The following SEMA3C variants were observed in gnomAD, a reference collection of about 807,000 sequenced individuals.
SEMA3C encodes semaphorin 3C.
In SEMA3C, 47 loss-of-function variants were observed where a neutral mutation model predicts 89.4. The observed-to-expected ratio is 0.53, with a 90% confidence interval of 0.42 to 0.67. The LOEUF (loss-of-function observed/expected upper bound fraction) is 0.67. Ranked by LOEUF, SEMA3C falls within the 30% of genes least tolerant of loss-of-function variation. The probability of loss-of-function intolerance (pLI) is 0.00; values close to 1 mark genes in which losing one functional copy is unlikely to be tolerated. For missense variants in SEMA3C, 839 were observed against 929.1 expected (o/e 0.90, Z 1.26); for synonymous variants, 310 against 320.2 (o/e 0.97, Z 0.34).
intron 11 of SEMA3C, chr7:80,793,541 C>T (rs1250424238): frequency 4.8e-6 from 2 of 413,836 alleles, no homozygotes; most frequent in Admixed American, 3.0e-5. Flanking sequence ...AATATTATGA[C>T]AAAAAGTAAT....
chr7:80,801,625 T>C (rs192061683), intron 9 of SEMA3C, among the ~76,000 whole-genome samples: 43 of 152,146 alleles, frequency 2.8e-4, no homozygotes, highest in Middle Eastern at 6.8e-3. Flanking sequence ...TAAAAATGAA[T>C]TTAAATGACC....
At position 80,789,451 on chromosome 7, in the gene SEMA3C, G is replaced by A. The variant is rs752682629; in HGVS notation, c.1209C>T (p.Asn403=). ...AGATGGAATTGTACATGAGAGGATG[G>A]TTCCGAATAAAAGTGACAACATCAT... ...FPDDVVTFIR[N]HPLMYNSIYP... is the part of the protein sequence containing the mutation. Residue 403 remains asparagine (N), a synonymous_variant, in exon 12 of 18, where the codon AAC becomes AAT. Coordinates refer to ENST00000265361, the MANE Select transcript of SEMA3C (RefSeq NM_006379.5). 1.5e-5 allele frequency: 24 copies of A among 1,613,904 alleles called. No individual in the cohort carries two copies. In the Admixed American group the frequency reaches 3.2e-4, roughly 21 times the overall value.
chr7:80,828,649 T>A lies in SEMA3C; in HGVS notation c.200A>T (p.Tyr67Phe), dbSNP rs748611810. 6.2e-7 allele frequency: 1 copy of A among 1,612,184 alleles called. No homozygotes were observed. The highest frequency in any genetic ancestry group is 8.5e-7 in the Non-Finnish European group (1 of 1,178,644). ...LLMDEDQDRI[Y>F]VGSKDHILSL... is the part of the protein sequence containing the mutation. The stretch of plus-strand genomic sequence containing the variant: ...AAGAATGTGATCTTTGCTTCCCACA[T>A]ATATCCGGTCCTGATCTTCATCCAT... Residue 67 changes from tyrosine (Y) to phenylalanine (F), a missense_variant, in exon 3 of 18, where the codon TAT (tyrosine) becomes TTT (phenylalanine). By Grantham distance (22) the Tyr-to-Phe change is conservative (BLOSUM62 3). Coordinates refer to ENST00000265361, the MANE Select transcript of SEMA3C (RefSeq NM_006379.5).
intron 4 of SEMA3C, among the ~76,000 whole-genome samples, chr7:80,824,499 G>A (rs1357856667): frequency 2.6e-5 from 4 of 152,108 alleles, no homozygotes; most frequent in African/African-American, 7.2e-5. Context: ...ACATACCAAA[G>A]GCTGGAAGAG....
intron 12 of SEMA3C, among the ~76,000 whole-genome samples, chr7:80,775,274 C>T (rs945816880): frequency 6.6e-6 from 1 of 152,072 alleles, no homozygotes; most frequent in African/African-American, 2.4e-5. Flanking sequence ...CGGTATGATT[C>T]TCTTTTTGTT....
At chr7:80,813,127 AT>A in intron 5 of SEMA3C, among the ~76,000 whole-genome samples, 1 of 151,936 alleles carries the variant, frequency 6.6e-6, no homozygotes, top group Non-Finnish European at 1.5e-5. Context: ...TTTAATTTCA[AT>A]AAATTTTTTA....
intron 11 of SEMA3C, 25 bp downstream of exon 11, chr7:80,798,067 C>G: frequency 6.3e-7 from 1 of 1,582,908 alleles, no homozygotes; most frequent in Non-Finnish European, 8.5e-7. Context: ...AGCATCATAA[C>G]AAAGAATTTT....
chr7:80,828,601 CTT>C lies in SEMA3C; in HGVS notation c.246_247del (p.Ile82MetfsTer17). ...TAAACTTACACTCAAAGCTTCTTGA[CTT>C]ATATTGTTAATATTCAGGGAAAGAA... is the stretch of plus-strand genomic sequence containing the variant. On this transcript the variant is annotated frameshift_variant, in exon 3 of 18. Coordinates refer to ENST00000265361, the MANE Select transcript of SEMA3C (RefSeq NM_006379.5). LOFTEE classifies it high-confidence loss of function. 1 of 1,608,106 alleles carries C rather than the reference CTT, an allele frequency of 6.2e-7. No individual in the cohort carries two copies. Among genetic ancestry groups the C allele is most frequent in the Non-Finnish European group, 8.5e-7 (1 of 1,176,350 alleles).
rs1293012234 is a variant in SEMA3C, at chr7:80,745,088, A to T, written c.2062T>A (p.Phe688Ile). ...TWASSVRALP[F>I]HPKDIMGAFS... ...GCCCCCATGATGTCCTTCGGGTGGAAGGGTAAAGCCCTCACAGAGCTGGCC... is the reference window on the plus strand; with the variant it reads ...GCCCCCATGATGTCCTTCGGGTGGATGGGTAAAGCCCTCACAGAGCTGGCC... Residue 688 changes from phenylalanine to isoleucine, a missense_variant, in exon 18 of 18, where the codon TTC becomes ATC. Phe to Ile is a conservative substitution (Grantham distance 21). Coordinates refer to ENST00000265361, the MANE Select transcript of SEMA3C (RefSeq NM_006379.5). 1 of 1,614,022 alleles carries T rather than the reference A, an allele frequency of 6.2e-7. No homozygotes were observed. The highest frequency in any genetic ancestry group is 2.2e-5 in the East Asian group (1 of 44,868).
intron 12 of SEMA3C, among the ~76,000 whole-genome samples, chr7:80,787,390 TAAAAAAAAAA>T (rs1179102219): frequency 3.0e-5 from 3 of 99,896 alleles, no homozygotes; most frequent in Admixed American, 1.2e-4. Flanking sequence ...AGACTCCGTT[TAAAAAAAAAA>T]AAAAAAAAAA....
At chr7:80,866,748 G>T (rs1465894906) in intron 2 of SEMA3C, among the ~76,000 whole-genome samples, 1 of 152,028 alleles carries the variant, frequency 6.6e-6, no homozygotes, top group Admixed American at 6.6e-5. Flanking sequence ...TTCAACATAA[G>T]GGCATTTAAA....
At chr7:80,916,878 A>G in intron 1 of SEMA3C, 59 bp from the exon 2 acceptor site, 1 of 1,463,316 alleles carries the variant, frequency 6.8e-7, no homozygotes, top group Non-Finnish European at 9.3e-7. Context: ...GAGTAGGAAA[A>G]AACAGCAATC....
intron 13 of SEMA3C, among the ~76,000 whole-genome samples, chr7:80,763,307 C>A (rs957420205): frequency 3.9e-5 from 6 of 152,200 alleles, no homozygotes; most frequent in African/African-American, 1.4e-4. Context: ...ATGCTCATGA[C>A]AGTGTATCAT....
At chr7:80,778,284 AT>A (rs1788598006) in intron 12 of SEMA3C, among the ~76,000 whole-genome samples, 1 of 152,194 alleles carries the variant, frequency 6.6e-6, no homozygotes, top group African/African-American at 2.4e-5. Flanking sequence ...TTATATTTTA[AT>A]TTCAGATAAA....
At position 80,868,654 on chromosome 7, in the gene SEMA3C, TTTCTCTATAAGCAAAAATA is replaced by T. The variant is rs201029642; in HGVS notation, c.104-39928_104-39910del. Among the ~76,000 whole-genome samples, 33 of 152,310 alleles carry T rather than the reference TTTCTCTATAAGCAAAAATA, an allele frequency of 2.2e-4. No individual in the cohort carries two copies. The East Asian group carries it at 6.2e-3, about 28-fold the overall frequency. On this transcript the variant is annotated intron_variant, in intron 2 of 17. Coordinates refer to ENST00000265361, the MANE Select transcript of SEMA3C (RefSeq NM_006379.5). ...ACCAGAGGATGACCATATACTTTCCTTTCTCTATAAGCAAAAATATTCATGAAATTCATACCAAAATTTG... is the reference window on the plus strand; with the variant it reads ...ACCAGAGGATGACCATATACTTTCCTTTCATGAAATTCATACCAAAATTTG...
chr7:80,906,541 A>T (rs1389037188), intron 2 of SEMA3C, among the ~76,000 whole-genome samples: 2 of 152,216 alleles, frequency 1.3e-5, no homozygotes, highest in East Asian at 3.8e-4. Context: ...GTAAAAAAGA[A>T]GAGAAAAAAA....
intron 2 of SEMA3C, among the ~76,000 whole-genome samples, chr7:80,910,198 A>G (rs1452045415): frequency 6.6e-5 from 10 of 152,206 alleles, no homozygotes; most frequent in Admixed American, 6.5e-4. Context: ...TTTAGCCTCC[A>G]TGCCAATTTA....
chr7:80,911,641 T>A (rs1048403546), intron 2 of SEMA3C, among the ~76,000 whole-genome samples: 3 of 145,048 alleles, frequency 2.1e-5, no homozygotes, highest in Non-Finnish European at 4.5e-5. Context: ...TGAAAGAGAG[T>A]CTCACTCTCT....
In SEMA3C at chr7:80,779,796, T is replaced by C. The variant is rs78333069; in HGVS notation, c.1354+9510A>G. Among the ~76,000 whole-genome samples, 1,108 of 152,272 alleles carry C rather than the reference T, an allele frequency of 7.3e-3. 58 individuals are homozygous for C. The East Asian group carries it at 0.14, about 20-fold the overall frequency. The stretch of plus-strand genomic sequence containing the variant: ...AGTGATGGTATGTCAATACCAAGAT[T>C]ATGATTATATGAGACCCCATCTCAG... On this transcript the variant is annotated intron_variant, in intron 12 of 17. Coordinates refer to ENST00000265361, the MANE Select transcript of SEMA3C (RefSeq NM_006379.5).
Sources: allele counts gnomAD v4.1 joint callset (sites outside exome capture counted in the v4.1 genomes callset), GRCh38; gene constraint gnomAD v4.1.1; transcripts MANE v1.5; gene names NCBI Gene and HGNC (gene_info 2026-07-23, HGNC 2026-07-21).